GHR: variants seen among roughly 807,000 people sequenced by gnomAD.
GHR encodes growth hormone receptor, also known as GH receptor.
Under a neutral mutation model 67.1 loss-of-function variants are expected in GHR, and 35 were observed. The observed-to-expected ratio is 0.52, with a 90% CI of 0.40 to 0.69. GHR has a LOEUF of 0.69. Among genes scored for constraint, GHR ranks in the 30% least tolerant of loss-of-function variants. The pLI, the probability that GHR is intolerant of heterozygous loss-of-function variation, is 0.00. For missense variants in GHR, 792 were observed against 764.6 expected (o/e 1.04, Z -0.42); for synonymous variants, 272 against 269.1 (o/e 1.01, Z -0.10).
chr5:42,646,506 AGTTAAGTTCCATGGGGACAGAAATG>A (rs1166208789), intron 3 of GHR: 3 of 300,456 alleles, frequency 1.0e-5, no homozygotes, highest in African/African-American at 6.6e-5. Flanking sequence ...AATACATTAG[AGTTAAGTTCCATGGGGACAGAAATG>A]TCTGCTTTGT....
At chr5:42,478,557 C>T (rs1313615350) in intron 1 of GHR, among the ~76,000 whole-genome samples, 1 of 152,136 alleles carries the variant, frequency 6.6e-6, no homozygotes, top group Non-Finnish European at 1.5e-5. Flanking sequence ...TCTTTTATTT[C>T]CTTGAGCAGT....
chr5:42,491,397 G>A (rs775608635), intron 1 of GHR, among the ~76,000 whole-genome samples: 1 of 152,208 alleles, frequency 6.6e-6, no homozygotes. Flanking sequence ...AGGCAATGTA[G>A]CATAATGAAG....
At chr5:42,591,883 CAG>C (rs1751797197) in intron 2 of GHR, among the ~76,000 whole-genome samples, 2 of 152,130 alleles carry the variant, frequency 1.3e-5, no homozygotes, top group Admixed American at 6.5e-5. Flanking sequence ...CTAACTCTCT[CAG>C]GGGTATGTGC....
intron 2 of GHR, among the ~76,000 whole-genome samples, chr5:42,576,118 T>G (rs1207463941): frequency 2.4e-4 from 20 of 85,018 alleles, no homozygotes; most frequent in African/African-American, 1.1e-3. Flanking sequence ...TAAAATAAAA[T>G]AAAATAAAAT....
chr5:42,562,105 G>A (rs192814954), intron 1 of GHR, among the ~76,000 whole-genome samples: 10 of 152,216 alleles, frequency 6.6e-5, no homozygotes, highest in Admixed American at 1.3e-4. Flanking sequence ...TCATGTGTCC[G>A]CACTCTGACG....
chr5:42,579,157 TAG>T (rs1491406400), intron 2 of GHR, among the ~76,000 whole-genome samples: 59 of 80,958 alleles, frequency 7.3e-4, no homozygotes, highest in African/African-American at 1.6e-3. Context: ...TAGATATAGA[TAG>T]ATAGATAGAT....
At chr5:42,626,667 GC>G (rs1270249682) in intron 2 of GHR, among the ~76,000 whole-genome samples, 1 of 152,124 alleles carries the variant, frequency 6.6e-6, no homozygotes, top group African/African-American at 2.4e-5. Flanking sequence ...CTCTCCAGGA[GC>G]CCCCAGGCAT....
intron 1 of GHR, among the ~76,000 whole-genome samples, chr5:42,456,305 G>T (rs759940879): frequency 6.6e-6 from 1 of 152,186 alleles, no homozygotes; most frequent in Non-Finnish European, 1.5e-5. Flanking sequence ...GCGAGACTCC[G>T]TCTCAAAATA....
At chr5:42,536,659 T>C (rs1748270046) in intron 1 of GHR, among the ~76,000 whole-genome samples, 1 of 152,108 alleles carries the variant, frequency 6.6e-6, no homozygotes, top group Admixed American at 6.6e-5. Context: ...GTTTTGGTAT[T>C]AGGGTGATGC....
intron 1 of GHR, among the ~76,000 whole-genome samples, chr5:42,443,958 G>GATATAGAT (rs1554052073): frequency 2.9e-4 from 43 of 148,178 alleles, no homozygotes; most frequent in African/African-American, 8.3e-4. Flanking sequence ...TATAGATATA[G>GATATAGAT]ATAGATATAG....
chr5:42,602,471 T>C (rs1365396150), intron 2 of GHR, among the ~76,000 whole-genome samples: 6 of 152,296 alleles, frequency 3.9e-5, no homozygotes, highest in African/African-American at 1.4e-4. Flanking sequence ...CATTCAGCCA[T>C]TCTGTATCTT....
At chr5:42,488,252 C>T (rs1236154995) in intron 1 of GHR, among the ~76,000 whole-genome samples, 1 of 152,118 alleles carries the variant, frequency 6.6e-6, no homozygotes, top group Non-Finnish European at 1.5e-5. Context: ...TAATTTAGTA[C>T]ACATGACAAT....
chr5:42,535,975 G>A (rs1040550092), intron 1 of GHR, among the ~76,000 whole-genome samples: 1 of 152,042 alleles, frequency 6.6e-6, no homozygotes, highest in Non-Finnish European at 1.5e-5. Context: ...GGTCGCTGCT[G>A]GTGTATAGAA....
chr5:42,718,340 T>A, intron 9 of GHR, 113 bp from the exon 10 acceptor site: 1 of 831,406 alleles, frequency 1.2e-6, no homozygotes, highest in Non-Finnish European at 2.0e-6. Context: ...TTTATATGTT[T>A]TGTTACTGTT....
chr5:42,595,294 C>A (rs1035131501), intron 2 of GHR, among the ~76,000 whole-genome samples: 32 of 152,118 alleles, frequency 2.1e-4, no homozygotes, highest in Non-Finnish European at 4.1e-4. Context: ...GATCCTTGGG[C>A]AAAATGTATA....
chr5:42,478,151 C>A (rs1745430295), intron 1 of GHR, among the ~76,000 whole-genome samples: 1 of 152,180 alleles, frequency 6.6e-6, no homozygotes, highest in Admixed American at 6.5e-5. Context: ...ATCCTTTCCC[C>A]ATTTCTTGTT....
intron 3 of GHR, among the ~76,000 whole-genome samples, chr5:42,686,823 G>T (rs1425849767): frequency 1.3e-5 from 2 of 152,082 alleles, no homozygotes; most frequent in Non-Finnish European, 2.9e-5. Flanking sequence ...CAAAACTCTG[G>T]CGAGGGCAGT....
At chr5:42,667,574 G>A (rs1756054350) in intron 3 of GHR, among the ~76,000 whole-genome samples, 1 of 152,286 alleles carries the variant, frequency 6.6e-6, no homozygotes, top group South Asian at 2.1e-4. Flanking sequence ...CCTGTGGAAG[G>A]TATTTTGTTA....
intron 1 of GHR, among the ~76,000 whole-genome samples, chr5:42,556,544 G>C (rs776362401): frequency 3.3e-5 from 5 of 152,104 alleles, no homozygotes; most frequent in Non-Finnish European, 4.4e-5. Context: ...AAAGTAGAAA[G>C]TCAATAAGAG....
Sources: allele counts gnomAD v4.1 joint callset (sites outside exome capture counted in the v4.1 genomes callset), GRCh38; gene constraint gnomAD v4.1.1; transcripts MANE v1.5; gene names NCBI Gene and HGNC (gene_info 2026-07-23, HGNC 2026-07-21).